The following NTM variants were observed in gnomAD, a reference collection of about 807,000 sequenced individuals.
NTM encodes IgLON family member 2.
In NTM, 13 loss-of-function variants were observed where a neutral mutation model predicts 42.1. The ratio of observed to expected loss-of-function variants is 0.31; its 90% confidence interval spans 0.20 to 0.49. The LOEUF (loss-of-function observed/expected upper bound fraction) is 0.49, where lower values mean the gene tolerates loss of function less well. NTM is among the 20% of genes least tolerant of loss of function. NTM has a pLI of 0.99. For missense variants in NTM, 373 were observed against 452.8 expected, an observed-to-expected ratio of 0.82 and a Z score of 1.60; for synonymous variants, 187 against 179.2, an observed-to-expected ratio of 1.04 and a Z score of -0.35.
chr11:131,915,761 T>C (rs1171433330), intron 2 of NTM, among the ~76,000 whole-genome samples: 5 of 151,984 alleles, frequency 3.3e-5, no homozygotes, highest in Non-Finnish European at 2.9e-5. Flanking sequence ...GATGAGACAA[T>C]GAAAGCCAAG....
intron 7 of NTM, among the ~76,000 whole-genome samples, chr11:132,319,124 G>A (rs1254513782): frequency 6.6e-6 from 1 of 152,212 alleles, no homozygotes; most frequent in Non-Finnish European, 1.5e-5. Flanking sequence ...CAGTAGAAAA[G>A]TGGCTAACAG....
intron 2 of NTM, among the ~76,000 whole-genome samples, chr11:132,058,240 A>G (rs530853849): frequency 2.7e-4 from 41 of 152,136 alleles, no homozygotes; most frequent in Admixed American, 3.9e-4. Context: ...TTGCATTCTG[A>G]TGGAGGAAGT....
At chr11:132,212,268 G>A (rs1566484902) in intron 4 of NTM, 121 bp downstream of exon 4, 3 of 725,274 alleles carry the variant, frequency 4.1e-6, no homozygotes, top group Non-Finnish European at 4.6e-6. Flanking sequence ...GTGGCTTGAT[G>A]GTAATCTACT....
intron 2 of NTM, among the ~76,000 whole-genome samples, chr11:132,084,560 T>G (rs528414722): frequency 5.9e-5 from 9 of 152,310 alleles, no homozygotes; most frequent in African/African-American, 2.2e-4. Context: ...AATTTGATTT[T>G]GGGAAGCCTG....
chr11:132,305,034 C>A (rs962175178), intron 4 of NTM, among the ~76,000 whole-genome samples: 3 of 152,208 alleles, frequency 2.0e-5, no homozygotes, highest in African/African-American at 7.2e-5. Flanking sequence ...ATATACAAAA[C>A]TACACATAAA....
chr11:132,170,544 CA>C (rs1318055725), intron 3 of NTM, among the ~76,000 whole-genome samples: 1 of 152,172 alleles, frequency 6.6e-6, no homozygotes, highest in Non-Finnish European at 1.5e-5. Flanking sequence ...AAGTCCTTGG[CA>C]TTTAATTAAG....
chr11:131,433,713 AT>A (rs57945209), intron 1 of NTM, among the ~76,000 whole-genome samples: 2 of 151,254 alleles, frequency 1.3e-5, no homozygotes, highest in African/African-American at 4.8e-5. Flanking sequence ...AGTTCTAGAT[AT>A]TTTTTTTTCC....
chr11:132,014,880 A>T (rs1418618726), intron 2 of NTM, among the ~76,000 whole-genome samples: 1 of 151,720 alleles, frequency 6.6e-6, no homozygotes, highest in Non-Finnish European at 1.5e-5. Context: ...GGTAGTGCAG[A>T]AGCTTTTTGG....
intron 4 of NTM, among the ~76,000 whole-genome samples, chr11:132,267,100 T>C (rs1393950689): frequency 6.6e-6 from 1 of 152,146 alleles, no homozygotes; most frequent in African/African-American, 2.4e-5. Flanking sequence ...ACAAGCAGTA[T>C]CTTATACATG....
intron 1 of NTM, among the ~76,000 whole-genome samples, chr11:131,879,050 T>C (rs2049048595): frequency 6.6e-6 from 1 of 152,138 alleles, no homozygotes; most frequent in African/African-American, 2.4e-5. Flanking sequence ...TGGCTCTTTT[T>C]CCTTTCTGGG....
At chr11:131,972,857 G>A (rs762784713) in intron 2 of NTM, among the ~76,000 whole-genome samples, 4 of 152,164 alleles carry the variant, frequency 2.6e-5, no homozygotes, top group Non-Finnish European at 4.4e-5. Flanking sequence ...GGCCACTGTT[G>A]AGTGAATTGT....
At chr11:132,190,200 A>G (rs2079077257) in intron 3 of NTM, among the ~76,000 whole-genome samples, 1 of 152,226 alleles carries the variant, frequency 6.6e-6, no homozygotes, top group African/African-American at 2.4e-5. Flanking sequence ...AGAGAGAGAC[A>G]TCAGACACTA....
chr11:132,154,621 G>A (rs1033992870), intron 3 of NTM, among the ~76,000 whole-genome samples: 1 of 152,186 alleles, frequency 6.6e-6, no homozygotes, highest in African/African-American at 2.4e-5. Flanking sequence ...TGCTGCCGAG[G>A]ATGAATGACA....
intron 1 of NTM, among the ~76,000 whole-genome samples, chr11:131,538,921 C>CTTTT (rs58463755): frequency 0.021 from 2,123 of 102,364 alleles, 56 homozygotes; most frequent in African/African-American, 0.047. Context: ...GTTAACTTAG[C>CTTTT]TTTTTTTTTT....
At chr11:131,379,988 G>A (rs958016541) in intron 1 of NTM, among the ~76,000 whole-genome samples, 1 of 152,070 alleles carries the variant, frequency 6.6e-6, no homozygotes, top group Non-Finnish European at 1.5e-5. Flanking sequence ...TCTCTGCCAA[G>A]GCATGTGAAA....
intron 1 of NTM, among the ~76,000 whole-genome samples, chr11:131,682,157 G>A (rs1365290229): frequency 1.3e-5 from 2 of 151,558 alleles, no homozygotes; most frequent in Non-Finnish European, 2.9e-5. Context: ...AGGGATGCCT[G>A]GCTGACTCCT....
At chr11:132,113,598 A>G (rs2063508320) in intron 2 of NTM, among the ~76,000 whole-genome samples, 1 of 152,092 alleles carries the variant, frequency 6.6e-6, no homozygotes, top group Non-Finnish European at 1.5e-5. Context: ...AAATGCCTCC[A>G]CCACTGGCTG....
chr11:131,867,292 G>A (rs569815379), intron 1 of NTM, among the ~76,000 whole-genome samples: 1 of 152,294 alleles, frequency 6.6e-6, no homozygotes, highest in East Asian at 1.9e-4. Flanking sequence ...GCAAAGGCTG[G>A]AGTGGAGAGG....
intron 1 of NTM, among the ~76,000 whole-genome samples, chr11:131,672,671 G>T (rs1020673472): frequency 6.6e-6 from 1 of 152,176 alleles, no homozygotes; most frequent in African/African-American, 2.4e-5. Flanking sequence ...GTGCCAATAG[G>T]AAAGGGACAC....
Sources: allele counts gnomAD v4.1 joint callset (sites outside exome capture counted in the v4.1 genomes callset), GRCh38; gene constraint gnomAD v4.1.1; transcripts MANE v1.5; gene names NCBI Gene and HGNC (gene_info 2026-07-23, HGNC 2026-07-21).